Variants in USP33 observed in about 807,000 individuals in gnomAD.
USP33 encodes ubiquitin carboxyl-terminal hydrolase 33.
Under a neutral mutation model 124.2 loss-of-function variants are expected in USP33, and 46 were observed. The observed-to-expected ratio is 0.37, with a 90% CI of 0.29 to 0.47. The LOEUF is 0.47. USP33 is among the 20% of genes least tolerant of loss of function. The pLI is 0.99. For synonymous variants in USP33, 350 were observed against 352.3 expected, an observed-to-expected ratio of 0.99 and a Z score of 0.07; for missense variants, 851 against 1,070.6, an observed-to-expected ratio of 0.79 and a Z score of 2.86.
At chr1:77,702,175 AAAC>A (rs1674118097) in intron 21 of USP33, among the ~76,000 whole-genome samples, 3 of 125,372 alleles carry the variant, frequency 2.4e-5, no homozygotes, top group Admixed American at 7.7e-5. Context: ...AAAAAAAAAA[AAAC>A]CAGTGGTACA....
intron 5 of USP33, among the ~76,000 whole-genome samples, chr1:77,738,179 T>C (rs1678698090): frequency 6.6e-6 from 1 of 152,208 alleles, no homozygotes; most frequent in Non-Finnish European, 1.5e-5. Context: ...AAATTTATTA[T>C]CACAAATATC....
At chr1:77,739,584 A>G (rs934922607) in intron 4 of USP33, among the ~76,000 whole-genome samples, 167 bp from the exon 5 acceptor site, 2 of 152,240 alleles carry the variant, frequency 1.3e-5, no homozygotes, top group Non-Finnish European at 2.9e-5. Flanking sequence ...CTTCTAAGGT[A>G]TAATAAACAG....
At chr1:77,740,161 T>C (rs1471361826) in intron 4 of USP33, among the ~76,000 whole-genome samples, 2 of 152,102 alleles carry the variant, frequency 1.3e-5, no homozygotes, top group Non-Finnish European at 2.9e-5. Flanking sequence ...CAGAGTTACA[T>C]GGGAAGTACC....
At chr1:77,743,373 T>A (rs1171367049) in intron 1 of USP33, among the ~76,000 whole-genome samples, 1 of 152,214 alleles carries the variant, frequency 6.6e-6, no homozygotes, top group East Asian at 1.9e-4. Flanking sequence ...GTAAATACAT[T>A]TTTTTAAGAA....
At chr1:77,754,772 G>A (rs762583791) in intron 1 of USP33, among the ~76,000 whole-genome samples, 2 of 152,130 alleles carry the variant, frequency 1.3e-5, no homozygotes, top group African/African-American at 4.8e-5. Flanking sequence ...AAAGAAATAC[G>A]CAGTCTTCTA....
chr1:77,739,383 G>C lies in USP33; in HGVS notation c.233C>G (p.Thr78Ser). 6.2e-7 allele frequency: 1 copy of C among 1,613,236 alleles called. No homozygotes were observed. Among genetic ancestry groups the C allele is most frequent in the Non-Finnish European group, 8.5e-7 (1 of 1,179,642 alleles). The change falls in exon 5 of 24, where the codon ACT (threonine) becomes AGT (serine). Residue 78 changes from threonine to serine, a missense_variant. Thr to Ser is a moderately conservative substitution (Grantham distance 58, BLOSUM62 1). This residue lies in a region of USP33 where 221 missense variants were observed against 302.9 expected (regional missense o/e 0.73). Coordinates refer to ENST00000370794, the MANE Select transcript of USP33 (RefSeq NM_201624.3). ...GCAAGCATAACACCATACTCGAAGA[G>C]TGGTAAGGTTCACAGTTAGATAATG... ...TKHYLTVNLT[T>S]LRVWCYACSK...
intron 1 of USP33, among the ~76,000 whole-genome samples, chr1:77,754,471 C>T (rs1299840351): frequency 1.3e-5 from 2 of 152,136 alleles, no homozygotes; most frequent in African/African-American, 4.8e-5. Flanking sequence ...ATTCTCAATC[C>T]ATAGTAAGTG....
At chr1:77,759,306 G>A in intron 1 of USP33, 2 of 313,696 alleles carry the variant, frequency 6.4e-6, no homozygotes, top group Non-Finnish European at 1.2e-5. Context: ...CCTGAGTGGG[G>A]AGACCGAGGA....
intron 15 of USP33, 149 bp downstream of exon 15, chr1:77,721,023 C>T (rs1459990913): frequency 1.2e-6 from 1 of 826,414 alleles, no homozygotes; most frequent in African/African-American, 1.8e-5. Flanking sequence ...ATTTGTTTCA[C>T]AAAACAGCTA....
At chr1:77,725,559 C>T in intron 11 of USP33, 63 bp downstream of exon 11, 9 of 1,545,612 alleles carry the variant, frequency 5.8e-6, no homozygotes, top group East Asian at 2.3e-5. Context: ...TTATCAAGTA[C>T]CAAAACCATC....
At chr1:77,700,688 TATCAGA>T (rs1015136897) in intron 22 of USP33, among the ~76,000 whole-genome samples, 11 of 150,832 alleles carry the variant, frequency 7.3e-5, no homozygotes, top group African/African-American at 1.2e-4. Flanking sequence ...CTTTTTCACA[TATCAGA>T]ATCTTTTTTT....
chr1:77,714,893 G>A, intron 18 of USP33, 110 bp from the exon 19 acceptor site: 5 of 1,118,062 alleles, frequency 4.5e-6, no homozygotes, highest in South Asian at 1.4e-5. Flanking sequence ...ATCTTTATTA[G>A]GTCTTGGGAA....
intron 15 of USP33, among the ~76,000 whole-genome samples, chr1:77,720,917 A>G (rs1333567346): frequency 6.6e-6 from 1 of 152,220 alleles, no homozygotes; most frequent in East Asian, 1.9e-4. Context: ...TATTTAGGAA[A>G]ACGTTTTATG....
In USP33 at chr1:77,759,741, G is replaced by A. The variant is rs1020564142; in HGVS notation, c.-150C>T. The A allele has an allele frequency of 2.5e-5, 10 of 398,050 alleles. No individual in the cohort carries two copies. The highest frequency in any genetic ancestry group is 4.0e-5 in the Non-Finnish European group (9 of 225,736). 24.7% of individuals were successfully genotyped at this position (398,050 alleles called of 1,614,324 possible). ...TTTTCCTTCTCAGCTCTCGGAGAGG[G>A]GCAGTGTCGCGTCAGGAGGGCCGGA... On this transcript the variant is annotated 5_prime_UTR_variant, in exon 1 of 24. Transcript: ENST00000370794.
intron 10 of USP33, 146 bp downstream of exon 10, chr1:77,728,149 G>A (rs1201721116): frequency 1.2e-6 from 1 of 831,070 alleles, no homozygotes; most frequent in Non-Finnish European, 1.7e-6. Context: ...TTATCCTCGG[G>A]TTCTATAATT....
At chr1:77,725,203 T>C (rs2101421175) in intron 11 of USP33, among the ~76,000 whole-genome samples, 1 of 152,280 alleles carries the variant, frequency 6.6e-6, no homozygotes, top group African/African-American at 2.4e-5. Flanking sequence ...CTACATACTA[T>C]ATGATTTCAT....
chr1:77,757,391 T>C (rs1251291175), intron 1 of USP33, among the ~76,000 whole-genome samples: 4 of 152,254 alleles, frequency 2.6e-5, no homozygotes, highest in African/African-American at 9.6e-5. Context: ...TATTTTGATA[T>C]ACATATTGTT....
At chr1:77,757,572 C>T (rs1242454683) in intron 1 of USP33, among the ~76,000 whole-genome samples, 1 of 152,218 alleles carries the variant, frequency 6.6e-6, no homozygotes, top group Non-Finnish European at 1.5e-5. Flanking sequence ...CTAAATAGAG[C>T]TGTTACTTAT....
chr1:77,732,322 C>T (rs1677918170), intron 7 of USP33, among the ~76,000 whole-genome samples: 1 of 152,022 alleles, frequency 6.6e-6, no homozygotes, highest in African/African-American at 2.4e-5. Flanking sequence ...ATCAATCATC[C>T]TCCTAAAAGT....
Sources: gnomAD v4.1 joint callset for allele counts (sites outside exome capture counted in the v4.1 genomes callset) on GRCh38, gnomAD v4.1.1 for gene constraint, gnomAD v4.1.1 regional missense constraint, MANE v1.5 for transcripts, NCBI Gene and HGNC (gene_info 2026-07-23, HGNC 2026-07-21) for gene names.